The following MAP3K3 variants were observed in gnomAD, a reference collection of about 807,000 sequenced individuals.
MAP3K3 encodes the protein mitogen-activated protein kinase kinase kinase 3.
MAP3K3 carries 12 observed loss-of-function variants against 80.9 expected under a neutral mutation model. That is an observed-to-expected ratio of 0.15 (90% confidence interval 0.10 to 0.24). MAP3K3 has a LOEUF of 0.24. MAP3K3 is among the 10% of genes least tolerant of loss of function. MAP3K3 has a pLI of 1.00. For synonymous variants in MAP3K3, 272 were observed against 307.1 expected, an observed-to-expected ratio of 0.89 and a Z score of 1.19; for missense variants, 596 against 834.7, an observed-to-expected ratio of 0.71 and a Z score of 3.52.
At chr17:63,650,321 A>G (rs1324279437) in intron 3 of MAP3K3, among the ~76,000 whole-genome samples, 1 of 151,882 alleles carries the variant, frequency 6.6e-6, no homozygotes, top group Non-Finnish European at 1.5e-5. Flanking sequence ...TTTTTTTGAG[A>G]CAGAGTCTCT....
At chr17:63,624,049 C>T (rs1048503379) in intron 1 of MAP3K3, among the ~76,000 whole-genome samples, 38 of 152,298 alleles carry the variant, frequency 2.5e-4, no homozygotes, top group African/African-American at 8.9e-4. Context: ...TGTTCATTTG[C>T]TGGGCTTACT....
chr17:63,658,626 C>T (rs1305961348), intron 5 of MAP3K3, among the ~76,000 whole-genome samples: 1 of 152,148 alleles, frequency 6.6e-6, no homozygotes, highest in African/African-American at 2.4e-5. Flanking sequence ...TTATGCTTGA[C>T]AGGCTTTCCT....
At chr17:63,656,051 G>A (rs1450614842) in intron 4 of MAP3K3, among the ~76,000 whole-genome samples, 1 of 151,654 alleles carries the variant, frequency 6.6e-6, no homozygotes, top group Non-Finnish European at 1.5e-5. Context: ...ACAACATGGT[G>A]AAACCCCATC....
Position 63,635,935 on chromosome 17 carries a change from C to T in MAP3K3, c.126+3133C>T, listed in dbSNP as rs142651587. ...AGAGTCCCAGTTGAAAGAAGCTAAG[C>T]ATTTTGGCTAGCTGGAAAGGTTGTT... On this transcript the variant is annotated intron_variant, in intron 2 of 15. Coordinates refer to ENST00000361733, the MANE Select transcript of MAP3K3 (RefSeq NM_002401.5). Among the ~76,000 whole-genome samples, 326 of 152,246 alleles carry T rather than the reference C, an allele frequency of 2.1e-3. 2 individuals carry two copies. Among genetic ancestry groups the T allele is most frequent in the African/African-American group, 7.3e-3 (303 of 41,534 alleles).
chr17:63,641,817 G>A (rs1330023757), intron 2 of MAP3K3, among the ~76,000 whole-genome samples: 1 of 152,070 alleles, frequency 6.6e-6, no homozygotes, highest in Non-Finnish European at 1.5e-5. Context: ...AAGTCGCAAG[G>A]TTGAGGAATG....
At chr17:63,639,007 C>T (rs750910034) in intron 2 of MAP3K3, among the ~76,000 whole-genome samples, 7 of 151,828 alleles carry the variant, frequency 4.6e-5, no homozygotes, top group Non-Finnish European at 8.8e-5. Context: ...GGCGACAGAG[C>T]AAGACTCCAT....
In MAP3K3 at chr17:63,691,800, G is replaced by A. The variant is rs2035597981; in HGVS notation, c.1412G>A (p.Arg471Gln). ...GAGAGCGTGACCCGAAAGTACACGC[G>A]GCAGATCCTGGAGGGCATGTCCTAC... ...LTESVTRKYTRQILEGMSYLH... is the reference protein window; with the variant it reads ...LTESVTRKYTQQILEGMSYLH... Residue 471 changes from arginine to glutamine, a missense_variant, in exon 14 of 16, where the codon CGG (arginine) becomes CAG (glutamine). By Grantham distance (43) the Arg-to-Gln change is conservative. This residue lies in a region of MAP3K3 where 364 missense variants were observed against 588.9 expected (regional missense o/e 0.62). Transcript: ENST00000361733. The surrounding 1 kb of genome is among the most constrained non-coding windows in gnomAD (Gnocchi z 4.8). 2 of 1,614,080 alleles carry A rather than the reference G, an allele frequency of 1.2e-6. No individual in the cohort carries two copies. Among genetic ancestry groups the A allele is most frequent in the Non-Finnish European group, 1.7e-6 (2 of 1,180,018 alleles).
At position 63,648,380 on chromosome 17, in the gene MAP3K3, TGAA is replaced by T. The variant is rs544730161; in HGVS notation, c.167+2311_167+2313del. Among the ~76,000 whole-genome samples, 114 of 152,308 alleles carry T rather than the reference TGAA, an allele frequency of 7.5e-4. 2 individuals carry two copies. The highest frequency in any genetic ancestry group is 2.5e-3 in the African/African-American group (102 of 41,556). On this transcript the variant is annotated intron_variant, in intron 3 of 15. Transcript: ENST00000361733. ...CCCTTTTGCACTGTTGCTGAGGCCT[TGAA>T]GAAGGAGGGGTATGATTTGCTATTA...
chr17:63,692,484 A>G lies in MAP3K3; in HGVS notation c.1652+65A>G. On this transcript the variant is annotated intron_variant, in intron 15 of 15. Coordinates refer to ENST00000361733, the MANE Select transcript of MAP3K3 (RefSeq NM_002401.5). This position sits in a 1 kb window ranked among gnomAD's most constrained non-coding sequence, Gnocchi z 4.5. ...GCCATAGTGGCCCCCCATTAGAAAC[A>G]CACCCTGGGGACTTTGTGGTGTGGC... is the stretch of plus-strand genomic sequence containing the variant. 5.3e-6 allele frequency: 8 copies of G among 1,499,260 alleles called. No homozygotes were observed. Among genetic ancestry groups the G allele is most frequent in the Non-Finnish European group, 7.2e-6 (8 of 1,116,706 alleles). The allele number at this position is 1,499,260 out of a possible 1,614,324, so 92.9% of individuals were successfully genotyped here.
Position 63,688,889 on chromosome 17 carries a change from C to T in MAP3K3, c.871+8C>T. 6.2e-7 allele frequency: 1 copy of T among 1,604,190 alleles called. No individual in the cohort carries two copies. The highest frequency in any genetic ancestry group is 8.5e-7 in the Non-Finnish European group (1 of 1,170,992). On this transcript the variant is annotated splice_region_variant and intron_variant, in intron 10 of 15. Transcript: ENST00000361733. ...ACAAGGACTACAGTGATGGTGAGTT[C>T]TTCTTCACCTGCTCCCTGCTGGCTG...
At chr17:63,675,269 A>C (rs2035194439) in intron 6 of MAP3K3, among the ~76,000 whole-genome samples, 1 of 152,226 alleles carries the variant, frequency 6.6e-6, no homozygotes, top group Non-Finnish European at 1.5e-5. Flanking sequence ...GAGAAAGAAA[A>C]AAAGTTTGAT....
At chr17:63,625,046 T>G (rs894503810) in intron 1 of MAP3K3, among the ~76,000 whole-genome samples, 3 of 152,218 alleles carry the variant, frequency 2.0e-5, no homozygotes, top group African/African-American at 7.2e-5. Flanking sequence ...AAACATAGAC[T>G]TCTTAGTATT....
intron 4 of MAP3K3, among the ~76,000 whole-genome samples, chr17:63,653,850 G>T (rs138981916): frequency 1.3e-5 from 2 of 152,070 alleles, no homozygotes; most frequent in Non-Finnish European, 2.9e-5. Flanking sequence ...AACCAACACC[G>T]CTATCTAATT....
chr17:63,628,919 T>C (rs2034161646), intron 1 of MAP3K3, among the ~76,000 whole-genome samples: 3 of 152,140 alleles, frequency 2.0e-5, no homozygotes, highest in Admixed American at 2.0e-4. Context: ...AGCATTACTG[T>C]GTTAGGTACC....
chr17:63,622,567 G>A lies in MAP3K3; in HGVS notation c.-193G>A, dbSNP rs1335753594. ...CCGGGATGTAGCGGGCCACCCTGCCGATGCCACAGCGCCCGGCCGCGGGCG... is the reference window on the plus strand; with the variant it reads ...CCGGGATGTAGCGGGCCACCCTGCCAATGCCACAGCGCCCGGCCGCGGGCG... On this transcript the variant is annotated 5_prime_UTR_variant, in exon 1 of 16. Coordinates refer to ENST00000361733, the MANE Select transcript of MAP3K3 (RefSeq NM_002401.5). 4 of 154,704 alleles carry A rather than the reference G, an allele frequency of 2.6e-5. No homozygotes were observed. The highest frequency in any genetic ancestry group is 7.3e-5 in the African/African-American group (3 of 41,128). 9.6% of individuals were successfully genotyped at this position (154,704 alleles called of 1,614,324 possible).
At chr17:63,690,544 A>G in intron 12 of MAP3K3, 132 bp downstream of exon 12, 1 of 976,700 alleles carries the variant, frequency 1.0e-6, no homozygotes, top group Non-Finnish European at 1.5e-6. Context: ...CTTTCTGTCC[A>G]TCCTGGTCCC....
chr17:63,689,896 C>T lies in MAP3K3; in HGVS notation c.1063+161C>T. 3.0e-6 allele frequency: 2 copies of T among 666,952 alleles called. No homozygotes were observed. Among genetic ancestry groups the T allele is most frequent in the South Asian group, 2.0e-5 (1 of 49,088 alleles). The allele number at this position is 666,952 out of a possible 1,614,324, so 41.3% of individuals were successfully genotyped here. ...CCTTGGAGTGTCTGAAGCCTGGCTC[C>T]ACTATTGTGTGACAAGCCTCTTCTC... On this transcript the variant is annotated intron_variant, in intron 11 of 15. Transcript: ENST00000361733. The surrounding 1 kb of genome is among the most constrained non-coding windows in gnomAD (Gnocchi z 4.3).
intron 6 of MAP3K3, among the ~76,000 whole-genome samples, chr17:63,671,521 T>C (rs1471049681): frequency 6.6e-6 from 1 of 152,112 alleles, no homozygotes; most frequent in African/African-American, 2.4e-5. Context: ...CCCAAAGTGC[T>C]GGGATTACAG....
rs551678874 is a variant in MAP3K3 at position 63,649,343 on chromosome 17, A to G, written c.168-3214A>G. Among the ~76,000 whole-genome samples, 5 of 152,026 alleles carry G rather than the reference A, an allele frequency of 3.3e-5. No individual in the cohort carries two copies. The East Asian group carries it at 7.7e-4, about 24-fold the overall frequency. On this transcript the variant is annotated intron_variant, in intron 3 of 15. Coordinates refer to ENST00000361733, the MANE Select transcript of MAP3K3 (RefSeq NM_002401.5). ...TCCCAGCTACTCGGGAGGCTGAGGC[A>G]GGAGAATGGCATGAACCTGGGAGGT...
Sources: gnomAD v4.1 joint callset for allele counts (sites outside exome capture counted in the v4.1 genomes callset) on GRCh38, gnomAD v4.1.1 for gene constraint, gnomAD v4.1.1 regional missense constraint, Gnocchi (gnomAD v3.1) non-coding constraint, MANE v1.5 for transcripts, NCBI Gene and HGNC (gene_info 2026-07-23, HGNC 2026-07-21) for gene names.